The following DGKB variants were observed in gnomAD, a reference collection of about 807,000 sequenced individuals.
The protein encoded by DGKB is 90 kDa diacylglycerol kinase.
Under a neutral mutation model 114.3 loss-of-function variants are expected in DGKB, and 67 were observed. The ratio of observed to expected loss-of-function variants is 0.59; its 90% CI spans 0.48 to 0.72. The LOEUF is 0.72. DGKB is among the 30% of genes least tolerant of loss of function. The pLI, the probability that DGKB is intolerant of heterozygous loss-of-function variation, is 0.00. For synonymous variants in DGKB, 398 were observed against 323.1 expected, an observed-to-expected ratio of 1.23 and a Z score of -2.49; for missense variants, 907 against 975.2, an observed-to-expected ratio of 0.93 and a Z score of 0.93.
intron 20 of DGKB, among the ~76,000 whole-genome samples, chr7:14,572,488 A>T (rs1219356146): frequency 6.6e-6 from 1 of 151,944 alleles, no homozygotes; most frequent in East Asian, 1.9e-4. Context: ...AGTATAAAGT[A>T]TAGTAACAAT....
chr7:14,328,951 T>A (rs562123828), intron 23 of DGKB, among the ~76,000 whole-genome samples: 2 of 151,974 alleles, frequency 1.3e-5, no homozygotes, highest in African/African-American at 4.8e-5. Flanking sequence ...AGAAGAACAA[T>A]AGAACTATTT....
intron 21 of DGKB, among the ~76,000 whole-genome samples, chr7:14,367,289 G>A (rs543479033): frequency 2.6e-5 from 4 of 152,118 alleles, no homozygotes; most frequent in East Asian, 3.9e-4. Flanking sequence ...TGTAGCTCCC[G>A]TAATTCCCAT....
At chr7:14,244,669 CAAAAAAAAAAAA>C (rs34364672) in intron 23 of DGKB, among the ~76,000 whole-genome samples, 51 of 46,398 alleles carry the variant, frequency 1.1e-3, no homozygotes, top group African/African-American at 4.2e-3. Context: ...GACTCTGTCT[CAAAAAAAAAAAA>C]AAAAAAAAAA....
At chr7:14,616,433 T>G (rs1236776489) in intron 15 of DGKB, among the ~76,000 whole-genome samples, 3 of 151,654 alleles carry the variant, frequency 2.0e-5, no homozygotes, top group Non-Finnish European at 4.4e-5. Context: ...ATTTAGAATT[T>G]TTACTTTCAC....
At chr7:14,460,979 A>T (rs1408543187) in intron 21 of DGKB, among the ~76,000 whole-genome samples, 1 of 150,682 alleles carries the variant, frequency 6.6e-6, no homozygotes, top group Non-Finnish European at 1.5e-5. Context: ...GGGAAATTGA[A>T]CAACCAGATC....
intron 2 of DGKB, among the ~76,000 whole-genome samples, chr7:14,777,808 C>A (rs577580505): frequency 3.3e-5 from 5 of 152,230 alleles, no homozygotes; most frequent in African/African-American, 9.6e-5. Flanking sequence ...GTGAACGGGT[C>A]AACGGGCTCA....
chr7:14,249,498 T>C (rs1794929240), intron 23 of DGKB, among the ~76,000 whole-genome samples: 1 of 152,188 alleles, frequency 6.6e-6, no homozygotes, highest in African/African-American at 2.4e-5. Flanking sequence ...AGGTTTTGAT[T>C]ACTGATTCAA....
intron 17 of DGKB, among the ~76,000 whole-genome samples, chr7:14,600,810 C>T (rs1803402773): frequency 6.6e-6 from 1 of 152,194 alleles, no homozygotes; most frequent in Non-Finnish European, 1.5e-5. Context: ...GTTTAAGCCC[C>T]TAAGGCTCCG....
intron 1 of DGKB, among the ~76,000 whole-genome samples, chr7:14,844,459 T>C (rs1367887361): frequency 2.0e-5 from 3 of 152,156 alleles, no homozygotes; most frequent in Non-Finnish European, 4.4e-5. Flanking sequence ...GGGATTTCAA[T>C]ACTAAATAAA....
intron 21 of DGKB, among the ~76,000 whole-genome samples, chr7:14,419,643 T>G (rs1378154004): frequency 1.3e-5 from 2 of 150,524 alleles, no homozygotes; most frequent in Non-Finnish European, 3.0e-5. Flanking sequence ...AAAAAAATGT[T>G]GGACTGGAAC....
intron 23 of DGKB, among the ~76,000 whole-genome samples, chr7:14,247,242 TTATC>T (rs149349334): frequency 0.12 from 18,043 of 152,180 alleles, 1,351 homozygotes; most frequent in East Asian, 0.21. Context: ...GCACATTTCT[TTATC>T]TATCCATGAA....
At chr7:14,889,794 C>A (rs1029053159) in intron 1 of DGKB, among the ~76,000 whole-genome samples, 1 of 151,620 alleles carries the variant, frequency 6.6e-6, no homozygotes, top group African/African-American at 2.4e-5. Flanking sequence ...GAATTGGAAT[C>A]TGAACAGCAT....
intron 20 of DGKB, among the ~76,000 whole-genome samples, chr7:14,568,224 C>T (rs573232046): frequency 5.9e-5 from 9 of 152,232 alleles, no homozygotes; most frequent in Non-Finnish European, 1.2e-4. Context: ...AATAAATATG[C>T]TTTTATTGAT....
At chr7:14,723,477 G>C (rs1359448254) in intron 5 of DGKB, among the ~76,000 whole-genome samples, 3 of 151,998 alleles carry the variant, frequency 2.0e-5, no homozygotes, top group Non-Finnish European at 4.4e-5. Context: ...ACTTAAAGTA[G>C]TATAATCTGC....
At chr7:14,912,097 A>G (rs1683623202) in intron 1 of DGKB, among the ~76,000 whole-genome samples, 2 of 152,126 alleles carry the variant, frequency 1.3e-5, no homozygotes, top group African/African-American at 4.8e-5. Context: ...ATTGGAATAT[A>G]AATAGAGGCA....
chr7:14,196,707 G>T (rs747992446), intron 23 of DGKB, among the ~76,000 whole-genome samples: 5 of 151,866 alleles, frequency 3.3e-5, no homozygotes, highest in African/African-American at 4.8e-5. Flanking sequence ...GAGAGAACTT[G>T]CAACTTACTA....
intron 1 of DGKB, among the ~76,000 whole-genome samples, chr7:14,960,396 C>T (rs1587462195): frequency 6.6e-6 from 1 of 151,564 alleles, no homozygotes; most frequent in African/African-American, 2.4e-5. Context: ...AATATATTAC[C>T]AGGACTTACA....
At chr7:14,431,953 T>C (rs1828514023) in intron 21 of DGKB, among the ~76,000 whole-genome samples, 1 of 150,746 alleles carries the variant, frequency 6.6e-6, no homozygotes, top group African/African-American at 2.4e-5. Context: ...TAAATGTACA[T>C]TTTGCAATGT....
At chr7:14,301,336 C>G (rs888034294) in intron 23 of DGKB, among the ~76,000 whole-genome samples, 1 of 152,042 alleles carries the variant, frequency 6.6e-6, no homozygotes, top group Non-Finnish European at 1.5e-5. Flanking sequence ...GTGTCTCTAT[C>G]TTTTCTATTT....
Sources: allele counts gnomAD v4.1 joint callset (sites outside exome capture counted in the v4.1 genomes callset), GRCh38; gene constraint gnomAD v4.1.1; transcripts MANE v1.5; gene names NCBI Gene and HGNC (gene_info 2026-07-23, HGNC 2026-07-21).